The following RNF150 variants were observed in gnomAD, a reference collection of about 807,000 sequenced individuals.
RNF150 encodes the protein ring finger protein 150.
Under a neutral mutation model 39.3 loss-of-function variants are expected in RNF150, and 24 were observed. The ratio of observed to expected loss-of-function variants is 0.61; its 90% CI spans 0.44 to 0.86. The LOEUF (loss-of-function observed/expected upper bound fraction) is 0.86. Among genes scored for constraint, RNF150 ranks in the 40% least tolerant of loss-of-function variants. The pLI, the probability that RNF150 is intolerant of heterozygous loss-of-function variation, is 0.00. For synonymous variants in RNF150, 255 were observed against 227.3 expected, an observed-to-expected ratio of 1.12 and a Z score of -1.10; for missense variants, 502 against 587.8, an observed-to-expected ratio of 0.85 and a Z score of 1.51.
intron 1 of RNF150, among the ~76,000 whole-genome samples, chr4:141,199,831 G>A (rs988278097): frequency 2.0e-5 from 3 of 152,088 alleles, no homozygotes; most frequent in Non-Finnish European, 4.4e-5. Context: ...TTTTAAAAAT[G>A]AAAACAGTAG....
intron 1 of RNF150, among the ~76,000 whole-genome samples, chr4:141,062,053 G>A (rs1441908255): frequency 2.0e-5 from 3 of 152,194 alleles, no homozygotes; most frequent in African/African-American, 7.2e-5. Flanking sequence ...TTGTAACTGA[G>A]TTATCTTTTG....
intron 1 of RNF150, among the ~76,000 whole-genome samples, chr4:141,155,826 G>T (rs946147441): frequency 6.6e-6 from 1 of 152,162 alleles, no homozygotes; most frequent in African/African-American, 2.4e-5. Flanking sequence ...CCACAAAAAC[G>T]AAGGGGAGTC....
chr4:140,945,307 A>C (rs1407218232), intron 4 of RNF150, among the ~76,000 whole-genome samples: 7 of 152,048 alleles, frequency 4.6e-5, no homozygotes, highest in African/African-American at 1.7e-4. Flanking sequence ...TTTTTTTGTT[A>C]ATATTTCCAA....
rs1377047542 is a variant in RNF150, at chr4:140,866,503, G to A, written c.*1758C>T. 1 of 152,158 alleles carries A rather than the reference G, an allele frequency of 6.6e-6. No individual in the cohort carries two copies. Among genetic ancestry groups the A allele is most frequent in the Non-Finnish European group, 1.5e-5 (1 of 68,024 alleles). The allele number at this position is 152,158 out of a possible 1,614,324, so 9.4% of individuals were successfully genotyped here. A position where few individuals can be genotyped will look rare whatever the true frequency, so the allele number is the denominator to read the frequency against. ...ACTCCTAGGGAGATGCAACCTTTCT[G>A]AGGGTAATAATCATCTGCCTTGCCT... On this transcript the variant is annotated 3_prime_UTR_variant, in exon 7 of 7. Coordinates refer to ENST00000515673, the MANE Select transcript of RNF150 (RefSeq NM_020724.2).
At chr4:141,071,659 C>A (rs1737710966) in intron 1 of RNF150, among the ~76,000 whole-genome samples, 1 of 152,032 alleles carries the variant, frequency 6.6e-6, no homozygotes, top group South Asian at 2.1e-4. Flanking sequence ...AATACAACAT[C>A]CTATGACTCT....
chr4:140,986,686 C>G (rs931253883), intron 1 of RNF150, among the ~76,000 whole-genome samples: 1 of 152,066 alleles, frequency 6.6e-6, no homozygotes, highest in Non-Finnish European at 1.5e-5. Context: ...TAATCCTTCA[C>G]TGGATGAATA....
intron 1 of RNF150, among the ~76,000 whole-genome samples, chr4:141,079,850 G>A (rs9884916): frequency 0.75 from 114,498 of 152,132 alleles, 43,677 homozygotes; most frequent in East Asian, 1. Flanking sequence ...AACGTCTGTG[G>A]GACTTGGGGC....
chr4:141,087,261 T>C (rs1738402742), intron 1 of RNF150, among the ~76,000 whole-genome samples: 1 of 152,218 alleles, frequency 6.6e-6, no homozygotes, highest in South Asian at 2.1e-4. Context: ...CCTGAATTAG[T>C]TCAGTAAGGA....
intron 1 of RNF150, among the ~76,000 whole-genome samples, chr4:141,061,645 A>G (rs535513438): frequency 6.6e-5 from 10 of 152,334 alleles, no homozygotes; most frequent in African/African-American, 2.4e-4. Context: ...AAGCATATCA[A>G]AGAAAAATGT....
At chr4:141,063,397 C>T (rs1422557590) in intron 1 of RNF150, among the ~76,000 whole-genome samples, 1 of 152,132 alleles carries the variant, frequency 6.6e-6, no homozygotes, top group African/African-American at 2.4e-5. Context: ...TCTGTTCTTA[C>T]AGCCATTTAG....
At chr4:141,041,798 C>A (rs757396285) in intron 1 of RNF150, among the ~76,000 whole-genome samples, 1 of 151,774 alleles carries the variant, frequency 6.6e-6, no homozygotes, top group Non-Finnish European at 1.5e-5. Context: ...TGTAAATGAA[C>A]GGTAAAAGTA....
chr4:141,062,555 C>T lies in RNF150; in HGVS notation c.484+69770G>A, dbSNP rs553685174. ...TTAATACACAATAGTGTTCTCTGAACGCTTTAAGCTTGCAGAATATGAAAA... is the reference window on the plus strand; with the variant it reads ...TTAATACACAATAGTGTTCTCTGAATGCTTTAAGCTTGCAGAATATGAAAA... On this transcript the variant is annotated intron_variant, in intron 1 of 6. Transcript: ENST00000515673. Among the ~76,000 whole-genome samples the T allele has an allele frequency of 7.8e-4, 118 of 152,084 alleles. 1 individual carries two copies. Among genetic ancestry groups the T allele is most frequent in the Admixed American group, 1.8e-3 (27 of 15,254 alleles).
chr4:141,108,503 C>T (rs921421207), intron 1 of RNF150, among the ~76,000 whole-genome samples: 4 of 152,062 alleles, frequency 2.6e-5, no homozygotes, highest in Non-Finnish European at 5.9e-5. Flanking sequence ...ATAAGAGTCC[C>T]ACAAACTTAC....
At chr4:140,928,790 C>G (rs1326596759) in intron 4 of RNF150, among the ~76,000 whole-genome samples, 1 of 152,180 alleles carries the variant, frequency 6.6e-6, no homozygotes, top group African/African-American at 2.4e-5. Context: ...TCGTGATCCA[C>G]CCGCCTCAGC....
At chr4:141,158,971 T>C (rs916712709) in intron 1 of RNF150, among the ~76,000 whole-genome samples, 3 of 152,260 alleles carry the variant, frequency 2.0e-5, no homozygotes, top group African/African-American at 7.2e-5. Context: ...CTTGGTGTTC[T>C]TTAAAATATG....
Position 140,864,481 on chromosome 4 carries a change from A to G in RNF150, c.*3780T>C, listed in dbSNP as rs1055197203. On this transcript the variant is annotated 3_prime_UTR_variant, in exon 7 of 7. Transcript: ENST00000515673. ...CAGGTGGATGCTGACTTGGAGTAAA[A>G]TGCTGGCTGTTGGAGGTGGTCATAA... is the stretch of plus-strand genomic sequence containing the variant. 2 of 152,220 alleles carry G rather than the reference A, an allele frequency of 1.3e-5. No individual in the cohort carries two copies. Among genetic ancestry groups the G allele is most frequent in the African/African-American group, 4.8e-5 (2 of 41,436 alleles). The allele number at this position is 152,220 out of a possible 1,614,324, so 9.4% of individuals were successfully genotyped here.
At chr4:141,176,692 T>C (rs1727820513) in intron 1 of RNF150, among the ~76,000 whole-genome samples, 1 of 152,236 alleles carries the variant, frequency 6.6e-6, no homozygotes, top group Admixed American at 6.5e-5. Context: ...CAAAATTTTA[T>C]GTCACCAGCT....
intron 1 of RNF150, among the ~76,000 whole-genome samples, chr4:141,078,132 T>C (rs3851433): frequency 0.84 from 128,211 of 152,116 alleles, 55,329 homozygotes; most frequent in East Asian, 1. Context: ...AATGATGGCA[T>C]AAATTAATTC....
At chr4:140,929,647 T>C (rs1731546483) in intron 4 of RNF150, among the ~76,000 whole-genome samples, 1 of 152,096 alleles carries the variant, frequency 6.6e-6, no homozygotes, top group Admixed American at 6.5e-5. Flanking sequence ...ATTACAGGCG[T>C]GAGACACCGT....
Sources: allele counts gnomAD v4.1 joint callset (sites outside exome capture counted in the v4.1 genomes callset), GRCh38; gene constraint gnomAD v4.1.1; transcripts MANE v1.5; gene names NCBI Gene and HGNC (gene_info 2026-07-23, HGNC 2026-07-21).